The following NRG3 variants were observed in gnomAD, a reference collection of about 807,000 sequenced individuals.
NRG3 encodes pro-neuregulin-3, membrane-bound isoform.
In NRG3, 31 loss-of-function variants were observed where a neutral mutation model predicts 66.9. That is an observed-to-expected ratio of 0.46 (90% CI 0.35 to 0.63). NRG3 has a LOEUF of 0.63. NRG3 is among the 20% of genes least tolerant of loss of function. NRG3 has a pLI of 0.00. For synonymous variants in NRG3, 393 were observed against 359.4 expected (o/e 1.09, Z -1.06); for missense variants, 910 against 878.9 (o/e 1.04, Z -0.45).
At chr10:82,169,493 T>A (rs1253241706) in intron 1 of NRG3, among the ~76,000 whole-genome samples, 1 of 151,224 alleles carries the variant, frequency 6.6e-6, no homozygotes, top group Non-Finnish European at 1.5e-5. Context: ...TTCTTGTGTT[T>A]TAATTTTTTT....
intron 1 of NRG3, among the ~76,000 whole-genome samples, chr10:81,975,314 CATCTATCTATCTATCTATCTATCT>C (rs140419592): frequency 2.1e-4 from 30 of 143,716 alleles, no homozygotes; most frequent in Non-Finnish European, 2.1e-4. Flanking sequence ...AATTGTGTAA[CATCTATCTATCTATCTATCTATCT>C]ATCTATCTAT....
At chr10:82,236,653 A>C (rs972128563) in intron 1 of NRG3, among the ~76,000 whole-genome samples, 4 of 149,608 alleles carry the variant, frequency 2.7e-5, no homozygotes, top group Non-Finnish European at 5.9e-5. Context: ...CCCTGGTCTG[A>C]TTGAAAAATC....
chr10:82,426,091 C>T (rs539108530), intron 2 of NRG3, among the ~76,000 whole-genome samples: 1 of 152,294 alleles, frequency 6.6e-6, no homozygotes, highest in South Asian at 2.1e-4. Context: ...CTCCAGCCCA[C>T]TCTAGCCTTT....
chr10:82,480,489 G>A (rs1284736012), intron 2 of NRG3, among the ~76,000 whole-genome samples: 1 of 152,174 alleles, frequency 6.6e-6, no homozygotes, highest in Non-Finnish European at 1.5e-5. Flanking sequence ...GGTTAAGGAA[G>A]TCTCTCCTGT....
intron 2 of NRG3, among the ~76,000 whole-genome samples, chr10:82,636,481 G>T (rs898085974): frequency 6.6e-6 from 1 of 152,168 alleles, no homozygotes; most frequent in Non-Finnish European, 1.5e-5. Context: ...CAAAAAGAAT[G>T]ATGAGATGTT....
At chr10:81,878,210 A>G in intron 1 of NRG3, 2 of 838,628 alleles carry the variant, frequency 2.4e-6, no homozygotes, top group East Asian at 2.7e-5. Context: ...AAAGAGGGGA[A>G]AAATCTGTAA....
chr10:82,495,819 C>CACAG (rs386371960), intron 2 of NRG3, among the ~76,000 whole-genome samples: 3 of 151,328 alleles, frequency 2.0e-5, no homozygotes, highest in Non-Finnish European at 4.4e-5. Context: ...CAGACACACA[C>CACAG]ACACACACAC....
chr10:81,924,420 TGCTA>T (rs1212466553), intron 1 of NRG3, among the ~76,000 whole-genome samples: 1 of 152,248 alleles, frequency 6.6e-6, no homozygotes, highest in Non-Finnish European at 1.5e-5. Context: ...AGAGGACATT[TGCTA>T]GACTGGGCTT....
intron 2 of NRG3, among the ~76,000 whole-genome samples, chr10:82,718,175 C>A (rs2057090502): frequency 6.6e-6 from 1 of 152,242 alleles, no homozygotes; most frequent in Admixed American, 6.5e-5. Flanking sequence ...ATTTCTTCAA[C>A]TCAAATATCT....
At chr10:82,559,412 G>A (rs917783099) in intron 2 of NRG3, among the ~76,000 whole-genome samples, 3 of 152,208 alleles carry the variant, frequency 2.0e-5, no homozygotes, top group Admixed American at 1.3e-4. Flanking sequence ...TGGCTAAGCC[G>A]AGGGGGATTC....
At chr10:82,171,152 T>C (rs2072572535) in intron 1 of NRG3, among the ~76,000 whole-genome samples, 1 of 152,084 alleles carries the variant, frequency 6.6e-6, no homozygotes, top group Non-Finnish European at 1.5e-5. Flanking sequence ...GTATTTGGTA[T>C]GAAGTATTTC....
intron 1 of NRG3, among the ~76,000 whole-genome samples, chr10:82,357,450 C>T (rs924287965): frequency 3.9e-5 from 6 of 152,084 alleles, no homozygotes; most frequent in Non-Finnish European, 7.4e-5. Flanking sequence ...ACTGAATACC[C>T]GAAGCTAGGT....
At chr10:82,403,383 A>G (rs1377616446) in intron 2 of NRG3, among the ~76,000 whole-genome samples, 1 of 152,162 alleles carries the variant, frequency 6.6e-6, no homozygotes, top group East Asian at 1.9e-4. Flanking sequence ...ATTTTGTGTC[A>G]TTTAATTATT....
chr10:82,786,930 AT>A (rs2060391511), intron 3 of NRG3, among the ~76,000 whole-genome samples: 1 of 152,056 alleles, frequency 6.6e-6, no homozygotes, highest in African/African-American at 2.4e-5. Flanking sequence ...CCACTACGGT[AT>A]GATGCAGCAA....
At chr10:82,220,305 A>G (rs1173063640) in intron 1 of NRG3, among the ~76,000 whole-genome samples, 1 of 152,106 alleles carries the variant, frequency 6.6e-6, no homozygotes, top group Non-Finnish European at 1.5e-5. Flanking sequence ...CCATATTTTC[A>G]GGGATATAGC....
chr10:82,412,449 A>G (rs1431649751), intron 2 of NRG3, among the ~76,000 whole-genome samples: 3 of 152,136 alleles, frequency 2.0e-5, no homozygotes, highest in Non-Finnish European at 4.4e-5. Context: ...AAAACACTTT[A>G]TTGATTAAAA....
At chr10:82,188,251 A>G (rs2073928451) in intron 1 of NRG3, among the ~76,000 whole-genome samples, 1 of 152,134 alleles carries the variant, frequency 6.6e-6, no homozygotes, top group Admixed American at 6.6e-5. Context: ...GGCAAATTGG[A>G]TATATGCAGA....
intron 2 of NRG3, among the ~76,000 whole-genome samples, chr10:82,442,560 C>G (rs975065883): frequency 1.3e-5 from 2 of 152,112 alleles, no homozygotes; most frequent in Admixed American, 6.5e-5. Flanking sequence ...AATAAGGAAA[C>G]AGCAGGGTGG....
intron 1 of NRG3, among the ~76,000 whole-genome samples, chr10:82,186,817 A>T (rs2073836850): frequency 6.6e-6 from 1 of 152,180 alleles, no homozygotes; most frequent in Non-Finnish European, 1.5e-5. Context: ...TTCGTAGAAG[A>T]TTCTGAGGCT....
Sources: allele counts gnomAD v4.1 joint callset (sites outside exome capture counted in the v4.1 genomes callset), GRCh38; gene constraint gnomAD v4.1.1; transcripts MANE v1.5; gene names NCBI Gene and HGNC (gene_info 2026-07-23, HGNC 2026-07-21).